Variants in FRMD4B observed in about 807,000 individuals in gnomAD.
FRMD4B encodes the protein FERM domain-containing protein 4B.
A neutral mutation model predicts 141.5 loss-of-function variants in FRMD4B; 74 were observed. The ratio of observed to expected loss-of-function variants is 0.52; its 90% CI spans 0.43 to 0.63. The LOEUF (loss-of-function observed/expected upper bound fraction) is 0.63. FRMD4B is among the 30% of genes least tolerant of loss of function. FRMD4B has a pLI of 0.00. For missense variants in FRMD4B, 1,366 were observed against 1,253.4 expected, an observed-to-expected ratio of 1.09 and a Z score of -1.36; for synonymous variants, 506 against 467.9, an observed-to-expected ratio of 1.08 and a Z score of -1.05.
chr3:69,276,965 G>C (rs781427126), intron 5 of FRMD4B, among the ~76,000 whole-genome samples: 1 of 152,144 alleles, frequency 6.6e-6, no homozygotes, highest in Non-Finnish European at 1.5e-5. Flanking sequence ...AAGATTCCAA[G>C]GGTATTGATA....
intron 17 of FRMD4B, 51 bp from the exon 18 acceptor site, chr3:69,190,003 G>C: frequency 1.9e-6 from 2 of 1,039,432 alleles, no homozygotes; most frequent in Non-Finnish European, 1.5e-6. Flanking sequence ...TATACAATTA[G>C]AGGGGTCTTA....
At position 69,444,768 on chromosome 3, in the gene FRMD4B, TAAAG is replaced by T. The variant is rs1225026359; in HGVS notation, c.-128-12011_-128-12008del. On this transcript the variant is annotated intron_variant, in intron 1 of 5. Transcript: ENST00000459638. ...TGTTCACTACTCATCTCCACGAACATAAAGAAACAACAAAATCTCTACACACACT... is the reference window on the plus strand; with the variant it reads ...TGTTCACTACTCATCTCCACGAACATAAACAACAAAATCTCTACACACACT... 3.3e-5 allele frequency among the ~76,000 whole-genome samples: 5 copies of T among 152,286 alleles called. No individual in the cohort carries two copies. In the East Asian group the frequency reaches 5.8e-4, roughly 18 times the overall value.
At chr3:69,491,444 C>T (rs1706299706) in intron 1 of FRMD4B, among the ~76,000 whole-genome samples, 1 of 152,096 alleles carries the variant, frequency 6.6e-6, no homozygotes, top group South Asian at 2.1e-4. Flanking sequence ...ATTTCCTCAC[C>T]TAATCTTCTT....
chr3:69,426,351 T>G (rs2106822391), intron 2 of FRMD4B, among the ~76,000 whole-genome samples: 2 of 152,284 alleles, frequency 1.3e-5, no homozygotes, highest in South Asian at 4.1e-4. Flanking sequence ...TGCATGTGTG[T>G]GTGTTGGGTA....
chr3:69,489,251 T>C (rs1706266780), intron 1 of FRMD4B, among the ~76,000 whole-genome samples: 6 of 149,626 alleles, frequency 4.0e-5, no homozygotes, highest in Non-Finnish European at 3.0e-5. Context: ...AAAGAAAATA[T>C]ATAAATGAGA....
At chr3:69,217,040 A>G (rs1214253313) in intron 10 of FRMD4B, among the ~76,000 whole-genome samples, 1 of 152,016 alleles carries the variant, frequency 6.6e-6, no homozygotes, top group Non-Finnish European at 1.5e-5. Flanking sequence ...AAGGTTGGGG[A>G]CGTTTCCAAA....
intron 1 of FRMD4B, among the ~76,000 whole-genome samples, chr3:69,366,433 T>G (rs1703658910): frequency 7.7e-6 from 1 of 130,170 alleles, no homozygotes; most frequent in South Asian, 2.5e-4. Flanking sequence ...AGTAAATACA[T>G]TTTAGAATAA....
intron 1 of FRMD4B, among the ~76,000 whole-genome samples, chr3:69,462,286 C>A (rs1705719986): frequency 6.6e-6 from 1 of 152,160 alleles, no homozygotes; most frequent in Non-Finnish European, 1.5e-5. Flanking sequence ...GGCTAGGAGG[C>A]CGCAGTTTTA....
intron 1 of FRMD4B, among the ~76,000 whole-genome samples, chr3:69,501,670 G>T (rs1706499693): frequency 6.6e-6 from 1 of 152,182 alleles, no homozygotes; most frequent in South Asian, 2.1e-4. Context: ...AGTGTTGGAA[G>T]TCCTGGCCAG....
intron 14 of FRMD4B, 71 bp downstream of exon 14, chr3:69,196,184 G>C (rs752850260): frequency 3.5e-6 from 4 of 1,150,852 alleles, no homozygotes; most frequent in South Asian, 1.6e-5. Flanking sequence ...GATGAATTTC[G>C]AAGTGGTTTA....
At chr3:69,326,800 A>G (rs1702206141) in intron 1 of FRMD4B, among the ~76,000 whole-genome samples, 1 of 152,372 alleles carries the variant, frequency 6.6e-6, no homozygotes, top group East Asian at 1.9e-4. Context: ...TTTTCCAATT[A>G]GAAACTCATG....
At chr3:69,381,539 TAA>T (rs1704119330) in intron 1 of FRMD4B, among the ~76,000 whole-genome samples, 1 of 152,196 alleles carries the variant, frequency 6.6e-6, no homozygotes, top group African/African-American at 2.4e-5. Flanking sequence ...CAAGATCATC[TAA>T]AATTTGGTTC....
intron 1 of FRMD4B, among the ~76,000 whole-genome samples, chr3:69,379,160 T>C (rs1461355144): frequency 2.0e-5 from 3 of 152,210 alleles, no homozygotes; most frequent in African/African-American, 7.2e-5. Context: ...ATTTCAGGTA[T>C]GAATGAACAA....
At chr3:69,189,772 G>T (rs2092816133) in intron 18 of FRMD4B, 124 bp downstream of exon 18, 3 of 646,340 alleles carry the variant, frequency 4.6e-6, no homozygotes, top group African/African-American at 3.7e-5. Flanking sequence ...TTGCATAAAT[G>T]TAAGTTAGTT....
chr3:69,171,995 C>A lies in FRMD4B; in HGVS notation c.2985-14G>T. The A allele has an allele frequency of 1.2e-6, 2 of 1,612,152 alleles. No individual in the cohort carries two copies. The highest frequency in any genetic ancestry group is 1.7e-6 in the Non-Finnish European group (2 of 1,178,488). Reference sequence around the variant, plus strand: ...TCTGTGTATTGTCTATTAAAGAAAACCAGAAAAGTTACTACTTGTGGCCAT... The same window carrying A: ...TCTGTGTATTGTCTATTAAAGAAAAACAGAAAAGTTACTACTTGTGGCCAT... On this transcript the variant is annotated splice_polypyrimidine_tract_variant and intron_variant, in intron 22 of 22. Transcript: ENST00000398540.
At chr3:69,453,155 G>A (rs1290580747) in intron 1 of FRMD4B, among the ~76,000 whole-genome samples, 2 of 152,198 alleles carry the variant, frequency 1.3e-5, no homozygotes, top group Non-Finnish European at 2.9e-5. Context: ...GGTGGGCTTA[G>A]GGAAGAGATG....
intron 1 of FRMD4B, among the ~76,000 whole-genome samples, chr3:69,347,830 G>T (rs1340579929): frequency 6.6e-6 from 1 of 152,198 alleles, no homozygotes. Context: ...CACATTTAAA[G>T]CAGTGTGTAG....
rs991170436 is a variant in FRMD4B at position 69,169,539 on chromosome 3, T to A, written c.*2322A>T. 2.0e-5 allele frequency among the ~76,000 whole-genome samples: 3 copies of A among 151,870 alleles called. No individual in the cohort carries two copies. The highest frequency in any genetic ancestry group is 4.4e-5 in the Non-Finnish European group (3 of 67,950). ...TGACTGGCTAATTTTTGTATTTTCATAGAGATGGGGTTTCACCATGTTGTC... is the reference window on the plus strand; with the variant it reads ...TGACTGGCTAATTTTTGTATTTTCAAAGAGATGGGGTTTCACCATGTTGTC... On this transcript the variant is annotated 3_prime_UTR_variant, in exon 23 of 23. Transcript: ENST00000398540.
chr3:69,449,087 T>C (rs1264662441), intron 1 of FRMD4B, among the ~76,000 whole-genome samples: 1 of 152,134 alleles, frequency 6.6e-6, no homozygotes, highest in Non-Finnish European at 1.5e-5. Context: ...ACAGGCTTTA[T>C]ATAACTCTGC....
Sources: gnomAD v4.1 joint callset for allele counts (sites outside exome capture counted in the v4.1 genomes callset) on GRCh38, gnomAD v4.1.1 for gene constraint, MANE v1.5 for transcripts, NCBI Gene and HGNC (gene_info 2026-07-23, HGNC 2026-07-21) for gene names.